The following CNGB1 variants were observed in gnomAD, a reference collection of about 807,000 sequenced individuals.
The protein encoded by CNGB1 is cyclic nucleotide-gated channel beta-1.
CNGB1 carries 126 observed loss-of-function variants against 151.7 expected under a neutral mutation model. That is an observed-to-expected ratio of 0.83 (90% CI 0.72 to 0.96). The LOEUF (loss-of-function observed/expected upper bound fraction) is 0.96, where lower values mean the gene tolerates loss of function less well. CNGB1 is among the 40% of genes least tolerant of loss of function. The probability of loss-of-function intolerance (pLI) is 0.00; values close to 1 mark genes in which losing one functional copy is unlikely to be tolerated. For missense variants in CNGB1, 1,698 were observed against 1,627.0 expected (o/e 1.04, Z -0.75); for synonymous variants, 623 against 635.1 (o/e 0.98, Z 0.29).
In CNGB1 at chr16:57,904,361, G is replaced by A. The variant is rs117319351; in HGVS notation, c.2634+373C>T. On this transcript the variant is annotated intron_variant, in intron 26 of 32. Transcript: ENST00000251102. ...AAGCCAGTGTGCTGTTCCTCGGGGC[G>A]GGGCCCTTCAAATATAAATTTGAGA... 6.8e-4 allele frequency among the ~76,000 whole-genome samples: 104 copies of A among 152,196 alleles called. No homozygotes were observed. The South Asian group carries it at 0.013, about 19-fold the overall frequency.
At chr16:57,963,241 A>C (rs557585550) in intron 4 of CNGB1, among the ~76,000 whole-genome samples, 177 bp from the exon 5 acceptor site, 2 of 152,224 alleles carry the variant, frequency 1.3e-5, no homozygotes, top group Non-Finnish European at 2.9e-5. Context: ...TCCAGTGTCC[A>C]AAAGAACTTG....
At chr16:57,932,339 A>G (rs952087215) in intron 16 of CNGB1, among the ~76,000 whole-genome samples, 1 of 150,728 alleles carries the variant, frequency 6.6e-6, no homozygotes, top group Non-Finnish European at 1.5e-5. Flanking sequence ...TAGGGTGACC[A>G]TGCCTTCCCA....
chr16:57,904,103 G>T, intron 26 of CNGB1, 122 bp from the exon 27 acceptor site: 1 of 812,438 alleles, frequency 1.2e-6, no homozygotes, highest in Non-Finnish European at 2.1e-6. Context: ...GCAGGGCGTT[G>T]GGAGGGGGGT....
intron 14 of CNGB1, 95 bp downstream of exon 14, chr16:57,949,258 G>A (rs1961885865): frequency 6.3e-7 from 1 of 1,594,426 alleles, no homozygotes; most frequent in East Asian, 2.2e-5. Context: ...ACAACAGAAA[G>A]GAGCTCCCAT....
intron 13 of CNGB1, 134 bp from the exon 14 acceptor site, chr16:57,949,573 T>G (rs1346817969): frequency 6.9e-7 from 1 of 1,442,036 alleles, no homozygotes; most frequent in African/African-American, 1.4e-5. Context: ...AGGCTCAACC[T>G]GGGGAGCCCC....
Position 57,904,890 on chromosome 16 carries a change from G to GA in CNGB1, c.2493-16dup. On this transcript the variant is annotated splice_polypyrimidine_tract_variant and intron_variant, in intron 25 of 32. Coordinates refer to ENST00000251102, the MANE Select transcript of CNGB1 (RefSeq NM_001297.5). ...AGCGAATATAACTGGAGAGAGAGGA[G>GA]AAAGGGAACATGGGTCATCACAGGC... The GA allele has an allele frequency of 6.2e-7, 1 of 1,614,152 alleles. No individual in the cohort carries two copies. Among genetic ancestry groups the GA allele is most frequent in the South Asian group, 1.1e-5 (1 of 91,072 alleles).
rs77128930 is a variant in CNGB1 at position 57,883,843 on chromosome 16, C to T, written c.*321G>A. The T allele has an allele frequency of 4.2e-6, 2 of 479,646 alleles. No homozygotes were observed. The highest frequency in any genetic ancestry group is 7.6e-6 in the Non-Finnish European group (2 of 264,258). 29.7% of individuals were successfully genotyped at this position (479,646 alleles called of 1,614,324 possible). On this transcript the variant is annotated 3_prime_UTR_variant, in exon 33 of 33. Coordinates refer to ENST00000251102, the MANE Select transcript of CNGB1 (RefSeq NM_001297.5). ...ATTGGAGCCTCATTTTATCCCTCAC[C>T]CATGAACTTTAAAAGTGGAAAATCA...
At chr16:57,962,525 C>T (rs1386538564) in intron 7 of CNGB1, 40 bp downstream of exon 7, 2 of 1,592,972 alleles carry the variant, frequency 1.3e-6, no homozygotes, top group Non-Finnish European at 1.7e-6. Context: ...CTCCCACCCA[C>T]ACATACAGAC....
intron 14 of CNGB1, among the ~76,000 whole-genome samples, chr16:57,944,782 C>T (rs551276024): frequency 6.6e-4 from 100 of 151,492 alleles, no homozygotes; most frequent in Non-Finnish European, 1.3e-3. Flanking sequence ...TGGCAAAACC[C>T]GCCTCTACTA....
chr16:57,964,914 G>A (rs1286880047), intron 2 of CNGB1, among the ~76,000 whole-genome samples: 3 of 152,168 alleles, frequency 2.0e-5, no homozygotes, highest in Admixed American at 2.0e-4. Flanking sequence ...GGAGGTGAGA[G>A]GAGCCCACGC....
intron 25 of CNGB1, 59 bp downstream of exon 25, chr16:57,911,694 A>C: frequency 6.2e-7 from 1 of 1,609,134 alleles, no homozygotes; most frequent in Non-Finnish European, 8.5e-7. Flanking sequence ...CTGTGCTGCG[A>C]ATTATAAAGA....
At chr16:57,930,747 T>C (rs1393861384) in intron 17 of CNGB1, among the ~76,000 whole-genome samples, 1 of 152,018 alleles carries the variant, frequency 6.6e-6, no homozygotes, top group East Asian at 1.9e-4. Context: ...AATAAGCTAG[T>C]CCCAAAAAGA....
intron 16 of CNGB1, among the ~76,000 whole-genome samples, chr16:57,934,710 A>C (rs1961456962): frequency 6.6e-6 from 1 of 151,940 alleles, no homozygotes; most frequent in East Asian, 2.0e-4. Flanking sequence ...TAATTCCAGC[A>C]CTTTGGGAGG....
rs370962776 is a variant in CNGB1 at position 57,887,886 on chromosome 16, G to T, written c.3431C>A (p.Ala1144Glu). ...ARLKELAALE[A>E]AAKQQELVEQ... ...CACCAACTCTTGCTGCTTTGCAGCC[G>T]CCTCCAGCGCGGCCAGTTCTTTGAG... The change falls in exon 32 of 33, where the codon GCG becomes GAG. Residue 1144 changes from alanine to glutamate, a missense_variant. Physicochemically the swap from Ala to Glu is moderately radical, Grantham distance 107. Transcript: ENST00000251102. The T allele has an allele frequency of 6.2e-7, 1 of 1,614,148 alleles. No homozygotes were observed.
In CNGB1 at chr16:57,903,833, T is replaced by C. The variant is rs1191711606; in HGVS notation, c.2783A>G (p.Gln928Arg). 1 of 1,613,990 alleles carries C rather than the reference T, an allele frequency of 6.2e-7. No individual in the cohort carries two copies. The highest frequency in any genetic ancestry group is 8.5e-7 in the Non-Finnish European group (1 of 1,180,040). ...KTWYEYTWHS[Q>R]GMLDESELMV... ...CGTGACCATCTTACCCAGCATGCCT[T>C]GCGAGTGCCAGGTGTACTCGTACCA... Residue 928 changes from glutamine to arginine, a missense_variant, in exon 27 of 33, where the codon CAA becomes CGA. Coordinates refer to ENST00000251102, the MANE Select transcript of CNGB1 (RefSeq NM_001297.5).
At chr16:57,905,344 G>A (rs560085102) in intron 25 of CNGB1, among the ~76,000 whole-genome samples, 31 of 149,292 alleles carry the variant, frequency 2.1e-4, no homozygotes, top group Admixed American at 1.3e-3. Context: ...GCCCCTACCC[G>A]GCCCATCCAT....
chr16:57,895,787 C>T (rs1348412455), intron 31 of CNGB1, among the ~76,000 whole-genome samples: 12 of 152,020 alleles, frequency 7.9e-5, no homozygotes, highest in Non-Finnish European at 1.8e-4. Context: ...CTGGTTGTGG[C>T]TTACTGCTCC....
At chr16:57,921,699 G>A (rs1310412084) in intron 18 of CNGB1, among the ~76,000 whole-genome samples, 1 of 152,158 alleles carries the variant, frequency 6.6e-6, no homozygotes, top group East Asian at 1.9e-4. Context: ...ATGCAACTAG[G>A]GGCCTCCTTA....
chr16:57,964,761 T>C (rs1352453401), intron 2 of CNGB1, among the ~76,000 whole-genome samples: 1 of 152,142 alleles, frequency 6.6e-6, no homozygotes, highest in Non-Finnish European at 1.5e-5. Flanking sequence ...CTGGGGGCCC[T>C]CACAGCCCCC....
Sources: allele counts gnomAD v4.1 joint callset (sites outside exome capture counted in the v4.1 genomes callset), GRCh38; gene constraint gnomAD v4.1.1; transcripts MANE v1.5; gene names NCBI Gene and HGNC (gene_info 2026-07-23, HGNC 2026-07-21).